FAF1: variants seen among roughly 807,000 people sequenced by gnomAD.
FAF1 encodes the protein FAS-associated factor 1.
Under a neutral mutation model 92.5 loss-of-function variants are expected in FAF1, and 25 were observed. The ratio of observed to expected loss-of-function variants is 0.27; its 90% CI spans 0.20 to 0.38. The LOEUF is 0.38. Ranked by LOEUF, FAF1 falls within the 10% of genes least tolerant of loss-of-function variation. FAF1 has a pLI of 1.00. For synonymous variants in FAF1, 234 were observed against 273.2 expected (o/e 0.86, Z 1.42); for missense variants, 636 against 793.3 (o/e 0.80, Z 2.38).
intron 1 of FAF1, among the ~76,000 whole-genome samples, chr1:50,929,016 G>C (rs2124741917): frequency 1.4e-5 from 2 of 141,662 alleles, no homozygotes; most frequent in East Asian, 4.1e-4. Flanking sequence ...AGGTTGCAGT[G>C]AGCCAAGATC....
At chr1:50,847,317 T>C (rs556812034) in intron 2 of FAF1, among the ~76,000 whole-genome samples, 41 of 152,004 alleles carry the variant, frequency 2.7e-4, no homozygotes, top group Admixed American at 3.9e-4. Context: ...CAGGAAATTT[T>C]AGATGACTAT....
chr1:50,507,149 T>G (rs1647069094), intron 15 of FAF1, among the ~76,000 whole-genome samples: 1 of 152,178 alleles, frequency 6.6e-6, no homozygotes, highest in Admixed American at 6.5e-5. Context: ...GGGCACTTAG[T>G]AGGTATTCAA....
At chr1:50,950,099 C>T (rs987515040) in intron 1 of FAF1, among the ~76,000 whole-genome samples, 1 of 152,158 alleles carries the variant, frequency 6.6e-6, no homozygotes, top group African/African-American at 2.4e-5. Flanking sequence ...CTCTTCTTCT[C>T]AAAGTGCTGG....
At chr1:50,539,548 C>T in intron 14 of FAF1, 44 bp downstream of exon 14, 2 of 1,459,076 alleles carry the variant, frequency 1.4e-6, no homozygotes, top group Admixed American at 2.0e-5. Flanking sequence ...ATAAAGTTAT[C>T]ACATACCAGG....
intron 1 of FAF1, among the ~76,000 whole-genome samples, chr1:50,914,649 A>C (rs997654331): frequency 3.9e-5 from 6 of 152,110 alleles, no homozygotes; most frequent in African/African-American, 1.4e-4. Context: ...ATTTTGTCTT[A>C]CTCTACTATT....
rs563387845 is a variant in FAF1 at position 50,555,552 on chromosome 1, G to A, written c.1268+11525C>T. Among the ~76,000 whole-genome samples, 39 of 151,986 alleles carry A rather than the reference G, an allele frequency of 2.6e-4. No individual in the cohort carries two copies. The South Asian group carries it at 6.9e-3, about 27-fold the overall frequency. The stretch of plus-strand genomic sequence containing the variant: ...TCAGGGAAATGCAAATTAAAACCAC[G>A]AGATACCACCTTACACCAGTAAGAA... On this transcript the variant is annotated intron_variant, in intron 13 of 18. Transcript: ENST00000396153.
intron 4 of FAF1, among the ~76,000 whole-genome samples, chr1:50,746,776 T>C (rs1659639320): frequency 6.6e-6 from 1 of 152,162 alleles, no homozygotes; most frequent in African/African-American, 2.4e-5. Context: ...AGAAAAGGCC[T>C]CACAGGCATT....
chr1:50,816,271 C>T (rs1473133195), intron 2 of FAF1, among the ~76,000 whole-genome samples: 1 of 139,780 alleles, frequency 7.2e-6, no homozygotes. Flanking sequence ...GAGGCGCGAT[C>T]TCGGCTCACT....
At chr1:50,870,427 C>T (rs1177774699) in intron 1 of FAF1, among the ~76,000 whole-genome samples, 5 of 152,158 alleles carry the variant, frequency 3.3e-5, no homozygotes, top group Non-Finnish European at 7.3e-5. Context: ...ACTGCACTCC[C>T]GCCTGGGTGA....
chr1:50,554,847 T>C (rs1438505906), intron 13 of FAF1, among the ~76,000 whole-genome samples: 1 of 152,168 alleles, frequency 6.6e-6, no homozygotes, highest in Non-Finnish European at 1.5e-5. Flanking sequence ...AAGAAAGATC[T>C]AGAAATGTTA....
At chr1:50,838,300 ATTG>A (rs1270776926) in intron 2 of FAF1, among the ~76,000 whole-genome samples, 1 of 151,924 alleles carries the variant, frequency 6.6e-6, no homozygotes, top group Non-Finnish European at 1.5e-5. Flanking sequence ...AAAGCTCTGA[ATTG>A]TTTAACAAAA....
chr1:50,664,641 A>T (rs941816425), intron 7 of FAF1, among the ~76,000 whole-genome samples: 1 of 152,028 alleles, frequency 6.6e-6, no homozygotes, highest in African/African-American at 2.4e-5. Context: ...ATACAAAAAC[A>T]AAATTAGCCA....
intron 2 of FAF1, among the ~76,000 whole-genome samples, chr1:50,850,993 G>C (rs531006492): frequency 6.6e-6 from 1 of 151,922 alleles, no homozygotes; most frequent in African/African-American, 2.4e-5. Context: ...ATTAAATCAA[G>C]CTAAATTGTA....
chr1:50,835,570 CA>C (rs573942977), intron 2 of FAF1, among the ~76,000 whole-genome samples: 3,471 of 54,782 alleles, frequency 0.063, 19 homozygotes, highest in Middle Eastern at 0.14. Context: ...GACTCCATCT[CA>C]AAAAAAAAAA....
intron 1 of FAF1, among the ~76,000 whole-genome samples, chr1:50,956,564 C>T (rs1209757156): frequency 6.6e-6 from 1 of 152,172 alleles, no homozygotes; most frequent in African/African-American, 2.4e-5. Context: ...ACCATATTCA[C>T]TTTTGGTGAG....
At chr1:50,923,841 A>G (rs867880763) in intron 1 of FAF1, among the ~76,000 whole-genome samples, 5 of 152,230 alleles carry the variant, frequency 3.3e-5, no homozygotes, top group African/African-American at 9.6e-5. Flanking sequence ...TTTCATTTAA[A>G]TAGACATTGA....
At chr1:50,872,853 T>G (rs1321899429) in intron 1 of FAF1, among the ~76,000 whole-genome samples, 1 of 151,678 alleles carries the variant, frequency 6.6e-6, no homozygotes, top group Non-Finnish European at 1.5e-5. Context: ...GAGCCGAGAT[T>G]GCGCCACTGC....
chr1:50,956,661 G>T (rs940588980), intron 1 of FAF1, among the ~76,000 whole-genome samples: 10 of 152,172 alleles, frequency 6.6e-5, no homozygotes, highest in Non-Finnish European at 1.5e-4. Flanking sequence ...TAAATTAAAT[G>T]ATTTGAGCCG....
intron 1 of FAF1, among the ~76,000 whole-genome samples, chr1:50,915,358 G>A (rs12068548): frequency 0.022 from 2,785 of 127,250 alleles, 86 homozygotes; most frequent in African/African-American, 0.077. Flanking sequence ...CAACAAGAGC[G>A]AAACTCCATC....
Sources: allele counts gnomAD v4.1 joint callset (sites outside exome capture counted in the v4.1 genomes callset), GRCh38; gene constraint gnomAD v4.1.1; transcripts MANE v1.5; gene names NCBI Gene and HGNC (gene_info 2026-07-23, HGNC 2026-07-21).